Variants in RILPL2 observed in about 807,000 individuals in gnomAD.
The protein encoded by RILPL2 is RILP-like protein 2.
A neutral mutation model predicts 22.2 loss-of-function variants in RILPL2; 19 were observed. The ratio of observed to expected loss-of-function variants is 0.86; its 90% CI spans 0.60 to 1.25. The LOEUF (loss-of-function observed/expected upper bound fraction) is 1.25, where lower values mean the gene tolerates loss of function less well. Ranked by LOEUF, RILPL2 falls within the 50% of genes most tolerant of loss-of-function variation. The probability of loss-of-function intolerance (pLI) is 0.00; values close to 1 mark genes in which losing one functional copy is unlikely to be tolerated. For synonymous variants in RILPL2, 123 were observed against 111.6 expected (o/e 1.10, Z -0.64); for missense variants, 243 against 263.6 (o/e 0.92, Z 0.54).
At chr12:123,431,785 C>A (rs1879658794) in intron 1 of RILPL2, among the ~76,000 whole-genome samples, 2 of 146,786 alleles carry the variant, frequency 1.4e-5, no homozygotes, top group Non-Finnish European at 3.0e-5. Flanking sequence ...GAGGTCCCAC[C>A]ACTGCACTCC....
Position 123,415,580 on chromosome 12 carries a change from C to T in RILPL2, c.*311G>A, listed in dbSNP as rs1045170000. ...CGTGGGAGCAGATGAGTAGGACACG[C>T]GTCTGCACGCTGGAGGCCCTGGGGG... On this transcript the variant is annotated 3_prime_UTR_variant, in exon 4 of 4. Transcript: ENST00000280571. 2.8e-5 allele frequency: 13 copies of T among 471,744 alleles called. No individual in the cohort carries two copies. The highest frequency in any genetic ancestry group is 5.5e-4 in the Middle Eastern group (1 of 1,806). 29.2% of individuals were successfully genotyped at this position (471,744 alleles called of 1,614,324 possible).
Position 123,415,843 on chromosome 12 carries a change from AGGT to A in RILPL2, c.*45_*47del. On this transcript the variant is annotated 3_prime_UTR_variant, in exon 4 of 4. Coordinates refer to ENST00000280571, the MANE Select transcript of RILPL2 (RefSeq NM_145058.3). ...AGGTGGTTTTGCCAGGCATCTTGGA[AGGT>A]TGTCTTCTAGAATCAGAGCCATAGC... The A allele has an allele frequency of 1.2e-6, 2 of 1,601,150 alleles. No individual in the cohort carries two copies. The highest frequency in any genetic ancestry group is 1.7e-6 in the Non-Finnish European group (2 of 1,168,166).
chr12:123,410,832 G>C (rs1878952888), downstream of RILPL2: 1 of 152,108 alleles, frequency 6.6e-6, no homozygotes, highest in African/African-American at 2.4e-5. Flanking sequence ...CAAGTACTCA[G>C]GACTAATAGC....
intron 3 of RILPL2, among the ~76,000 whole-genome samples, chr12:123,420,157 T>C (rs1249047852): frequency 1.3e-5 from 2 of 151,678 alleles, no homozygotes; most frequent in Non-Finnish European, 2.9e-5. Flanking sequence ...CCTGAGTAGC[T>C]GGGATTAAAG....
At chr12:123,426,990 G>A (rs962845037) in intron 2 of RILPL2, among the ~76,000 whole-genome samples, 1 of 150,556 alleles carries the variant, frequency 6.6e-6, no homozygotes, top group African/African-American at 2.4e-5. Context: ...TGCTATTCAC[G>A]GGTGCAATCA....
chr12:123,430,336 G>A (rs547186413), intron 2 of RILPL2, among the ~76,000 whole-genome samples, 172 bp downstream of exon 2: 2 of 152,088 alleles, frequency 1.3e-5, no homozygotes, highest in South Asian at 2.1e-4. Flanking sequence ...GTGAACCCGG[G>A]AGGCAGAGGT....
intron 1 of RILPL2, among the ~76,000 whole-genome samples, chr12:123,431,628 C>G (rs1214656076): frequency 6.6e-6 from 1 of 151,932 alleles, no homozygotes; most frequent in Non-Finnish European, 1.5e-5. Context: ...CAGAGACCAT[C>G]CTGGCTAACG....
chr12:123,430,408 CA>C, intron 2 of RILPL2, 99 bp downstream of exon 2: 11 of 1,294,562 alleles, frequency 8.5e-6, no homozygotes, highest in Non-Finnish European at 9.3e-6. Flanking sequence ...GACTCTGTCT[CA>C]AAAAAACAAA....
In RILPL2 at chr12:123,420,111, G is replaced by A. The variant is rs1022674883; in HGVS notation, c.605+2933C>T. On this transcript the variant is annotated intron_variant, in intron 3 of 3. Transcript: ENST00000280571. ...GTGATCTTGGCTCACTGCAACATCC[G>A]CCTCCTGGGTTCATGCCATTCTCCT... 3.5e-5 allele frequency among the ~76,000 whole-genome samples: 5 copies of A among 144,768 alleles called. No homozygotes were observed. The South Asian group carries it at 9.0e-4, about 26-fold the overall frequency. 95.0% of individuals were successfully genotyped at this position (144,768 alleles called of 152,430 possible).
At chr12:123,430,810 C>T (rs1267828652) in intron 1 of RILPL2, 151 bp from the exon 2 acceptor site, 5 of 451,698 alleles carry the variant, frequency 1.1e-5, no homozygotes, top group South Asian at 9.8e-5. Context: ...CAGGTTCAAG[C>T]GATTCTCCTG....
chr12:123,418,769 T>TA (rs941803122), intron 3 of RILPL2, among the ~76,000 whole-genome samples: 1 of 145,912 alleles, frequency 6.9e-6, no homozygotes, highest in African/African-American at 2.5e-5. Context: ...TTTTTTTTTT[T>TA]TTTTTTTTTT....
At chr12:123,434,832 T>C (rs1593497125) in intron 1 of RILPL2, among the ~76,000 whole-genome samples, 1 of 152,168 alleles carries the variant, frequency 6.6e-6, no homozygotes, top group Admixed American at 6.6e-5. Context: ...CACCACCAGT[T>C]TGCCTTCTAT....
intron 2 of RILPL2, among the ~76,000 whole-genome samples, chr12:123,423,406 G>A (rs1879345444): frequency 6.6e-6 from 1 of 151,640 alleles, no homozygotes; most frequent in Non-Finnish European, 1.5e-5. Flanking sequence ...TCACCGTGTT[G>A]CCCAGGCTGG....
chr12:123,419,790 T>C (rs1015652628), intron 3 of RILPL2, among the ~76,000 whole-genome samples: 1 of 151,416 alleles, frequency 6.6e-6, no homozygotes, highest in Admixed American at 6.6e-5. Flanking sequence ...TTAATTTTTA[T>C]TTTTATCTAT....
Position 123,436,323 on chromosome 12 carries a change from G to C in RILPL2, c.98C>G (p.Pro33Arg). 1 of 1,579,398 alleles carries C rather than the reference G, an allele frequency of 6.3e-7. No homozygotes were observed. Among genetic ancestry groups the C allele is most frequent in the Non-Finnish European group, 8.6e-7 (1 of 1,163,008 alleles). ...VGPEGALGKS[P>R]FQLTAEDVYD... ...CACGTCCTCGGCGGTCAGCTGGAAGGGGCTCTTGCCCAGCGCCCCCTCGGG... is the reference window on the plus strand; with the variant it reads ...CACGTCCTCGGCGGTCAGCTGGAAGCGGCTCTTGCCCAGCGCCCCCTCGGG... The change falls in exon 1 of 4, where the codon CCC (proline) becomes CGC (arginine). Residue 33 changes from proline to arginine, a missense_variant. Physicochemically the swap from Pro to Arg is moderately radical, Grantham distance 103. Transcript: ENST00000280571. The surrounding 1 kb of genome is among the most constrained non-coding windows in gnomAD (Gnocchi z 6.7).
chr12:123,418,766 T>C (rs553251997), intron 3 of RILPL2, among the ~76,000 whole-genome samples: 2 of 145,292 alleles, frequency 1.4e-5, no homozygotes, highest in Admixed American at 6.9e-5. Context: ...CTTTTTTTTT[T>C]TTTTTTTTTT....
chr12:123,433,104 C>CTTT (rs372639257), intron 1 of RILPL2, among the ~76,000 whole-genome samples: 5 of 134,274 alleles, frequency 3.7e-5, no homozygotes, highest in Non-Finnish European at 4.8e-5. Flanking sequence ...GGTTTGTATA[C>CTTT]TTTTTTTTTT....
intron 3 of RILPL2, among the ~76,000 whole-genome samples, chr12:123,421,043 CTTT>C (rs543923372): frequency 8.6e-5 from 12 of 139,718 alleles, no homozygotes; most frequent in Admixed American, 1.5e-4. Flanking sequence ...TATGTTAAAT[CTTT>C]TTTTTTTTTT....
At chr12:123,422,005 C>CTCTT (rs569688336) in intron 3 of RILPL2, among the ~76,000 whole-genome samples, 8 of 132,372 alleles carry the variant, frequency 6.0e-5, no homozygotes, top group Non-Finnish European at 9.5e-5. Flanking sequence ...CTTTCTCTCT[C>CTCTT]TTTTTTTTTT....
Sources: allele counts gnomAD v4.1 joint callset (sites outside exome capture counted in the v4.1 genomes callset), GRCh38; gene constraint gnomAD v4.1.1; non-coding constraint Gnocchi (gnomAD v3.1); transcripts MANE v1.5; gene names NCBI Gene and HGNC (gene_info 2026-07-23, HGNC 2026-07-21).